The following NPAS3 variants were observed in gnomAD, a reference collection of about 807,000 sequenced individuals.
NPAS3 encodes the protein neuronal PAS domain-containing protein 3.
A neutral mutation model predicts 73.1 loss-of-function variants in NPAS3; 14 were observed. That is an observed-to-expected ratio of 0.19 (90% CI 0.13 to 0.30). NPAS3 has a LOEUF of 0.30. Among genes scored for constraint, NPAS3 ranks in the 10% least tolerant of loss-of-function variants. The pLI is 1.00. For synonymous variants in NPAS3, 620 were observed against 541.5 expected (o/e 1.14, Z -2.01); for missense variants, 1,096 against 1,250.0 (o/e 0.88, Z 1.86).
chr14:33,086,957 A>C (rs1258245580), intron 2 of NPAS3, among the ~76,000 whole-genome samples: 1 of 152,068 alleles, frequency 6.6e-6, no homozygotes, highest in Non-Finnish European at 1.5e-5. Context: ...GTTGTCTCTC[A>C]GAAGTCAGAC....
chr14:33,597,193 T>C (rs187160005), intron 5 of NPAS3, among the ~76,000 whole-genome samples: 1 of 152,216 alleles, frequency 6.6e-6, no homozygotes, highest in Non-Finnish European at 1.5e-5. Context: ...AGGAGTAGCA[T>C]GTAGATTTCT....
At chr14:33,351,102 G>C (rs1239128883) in intron 3 of NPAS3, among the ~76,000 whole-genome samples, 1 of 152,092 alleles carries the variant, frequency 6.6e-6, no homozygotes, top group Non-Finnish European at 1.5e-5. Context: ...AAAAGCCTCT[G>C]GTCAAAATGT....
chr14:32,960,692 T>C lies in NPAS3; in HGVS notation c.50+21326T>C, dbSNP rs554923177. On this transcript the variant is annotated intron_variant, in intron 1 of 11. Coordinates refer to ENST00000356141, the Ensembl canonical transcript of NPAS3. ...TTGGATTTCTTACTATAGAATGAAA[T>C]CATTTCATGGCCATGAATTTTATTC... Among the ~76,000 whole-genome samples the C allele has an allele frequency of 3.0e-4, 46 of 152,350 alleles. 2 individuals are homozygous for C. The highest frequency in any genetic ancestry group is 1.1e-3 in the African/African-American group (46 of 41,586).
intron 2 of NPAS3, among the ~76,000 whole-genome samples, chr14:33,131,423 C>T (rs1407539998): frequency 5.7e-5 from 1 of 17,614 alleles, no homozygotes; most frequent in African/African-American, 1.9e-4. Context: ...ATGTGTTCAT[C>T]TGACTTCCAC....
chr14:33,659,770 T>C (rs565862977), intron 5 of NPAS3, among the ~76,000 whole-genome samples: 1 of 152,212 alleles, frequency 6.6e-6, no homozygotes, highest in South Asian at 2.1e-4. Flanking sequence ...TAATGACTCA[T>C]TAGTGACTTG....
At chr14:33,731,024 G>A (rs2061384662) in intron 6 of NPAS3, among the ~76,000 whole-genome samples, 1 of 152,134 alleles carries the variant, frequency 6.6e-6, no homozygotes, top group Admixed American at 6.5e-5. Flanking sequence ...TACTTTTGAG[G>A]AGTAACATTT....
intron 4 of NPAS3, among the ~76,000 whole-genome samples, chr14:33,437,964 G>A (rs2049061533): frequency 6.6e-6 from 1 of 152,144 alleles, no homozygotes; most frequent in South Asian, 2.1e-4. Flanking sequence ...TTGTTAAAGT[G>A]TACAACATTT....
At chr14:33,003,568 T>A (rs745594560) in intron 1 of NPAS3, among the ~76,000 whole-genome samples, 1 of 152,204 alleles carries the variant, frequency 6.6e-6, no homozygotes, top group Non-Finnish European at 1.5e-5. Flanking sequence ...GGTGTCTAAA[T>A]GAAGCATTCA....
At chr14:33,606,336 TTCTTGC>T (rs2057564864) in intron 5 of NPAS3, among the ~76,000 whole-genome samples, 1 of 151,210 alleles carries the variant, frequency 6.6e-6, no homozygotes, top group African/African-American at 2.4e-5. Flanking sequence ...TGGTTTTTTG[TTCTTGC>T]GATAGTTTAC....
intron 3 of NPAS3, among the ~76,000 whole-genome samples, chr14:33,247,902 A>G (rs893084447): frequency 2.0e-5 from 3 of 152,238 alleles, no homozygotes; most frequent in East Asian, 3.8e-4. Flanking sequence ...AGACCTGGAA[A>G]GACAAGCACC....
At chr14:33,149,417 T>C (rs1393370407) in intron 2 of NPAS3, among the ~76,000 whole-genome samples, 1 of 152,240 alleles carries the variant, frequency 6.6e-6, no homozygotes, top group Non-Finnish European at 1.5e-5. Flanking sequence ...AATCACACCT[T>C]CTCATGACTA....
chr14:33,414,019 C>A (rs2048042605), intron 4 of NPAS3, among the ~76,000 whole-genome samples: 1 of 152,140 alleles, frequency 6.6e-6, no homozygotes, highest in African/African-American at 2.4e-5. Context: ...CTTTCTCTTT[C>A]CTTCCTCTTT....
chr14:33,294,619 G>A (rs2042223015), intron 3 of NPAS3, among the ~76,000 whole-genome samples: 1 of 152,120 alleles, frequency 6.6e-6, no homozygotes. Flanking sequence ...TGTGTGATCA[G>A]CATGTATTTA....
intron 7 of NPAS3, among the ~76,000 whole-genome samples, chr14:33,747,914 A>G (rs2061852693): frequency 6.6e-6 from 1 of 152,110 alleles, no homozygotes; most frequent in South Asian, 2.1e-4. Flanking sequence ...TCTACAATAT[A>G]TCAAGTGTTC....
At chr14:33,181,106 T>G (rs1053228887) in intron 2 of NPAS3, among the ~76,000 whole-genome samples, 3 of 152,154 alleles carry the variant, frequency 2.0e-5, no homozygotes, top group African/African-American at 7.2e-5. Context: ...TGAGGAGAGA[T>G]ACCATTGGAG....
At chr14:33,105,952 A>C in intron 2 of NPAS3, among the ~76,000 whole-genome samples, 1 of 152,164 alleles carries the variant, frequency 6.6e-6, no homozygotes, top group Non-Finnish European at 1.5e-5. Context: ...GGAAGCTTGG[A>C]TATCAAAGAT....
intron 1 of NPAS3, among the ~76,000 whole-genome samples, chr14:32,995,048 A>G (rs1006521402): frequency 5.3e-5 from 8 of 152,224 alleles, no homozygotes; most frequent in Non-Finnish European, 4.4e-5. Flanking sequence ...GAAATGTTAT[A>G]AAGAAGACAG....
At chr14:33,448,055 A>G (rs1344711123) in intron 4 of NPAS3, among the ~76,000 whole-genome samples, 4 of 152,236 alleles carry the variant, frequency 2.6e-5, no homozygotes, top group Non-Finnish European at 4.4e-5. Flanking sequence ...GTAGATAGTG[A>G]TAATGATAAG....
chr14:33,757,141 C>T (rs1444543381), intron 7 of NPAS3, among the ~76,000 whole-genome samples: 1 of 152,184 alleles, frequency 6.6e-6, no homozygotes, highest in African/African-American at 2.4e-5. Context: ...GCCAAGTTGT[C>T]TTGGCTTGGG....
Sources: allele counts gnomAD v4.1 joint callset (sites outside exome capture counted in the v4.1 genomes callset), GRCh38; gene constraint gnomAD v4.1.1; transcripts MANE v1.5; gene names NCBI Gene and HGNC (gene_info 2026-07-23, HGNC 2026-07-21).